Variants in DYNLT2 observed in about 807,000 individuals in gnomAD.
DYNLT2 encodes the protein dynein light chain Tctex-type 2.
DYNLT2 carries 24 observed loss-of-function variants against 24.3 expected under a neutral mutation model. That is an observed-to-expected ratio of 0.99 (90% CI 0.71 to 1.39). The LOEUF is 1.39. DYNLT2 is among the 40% of genes most tolerant of loss of function. The pLI, the probability that DYNLT2 is intolerant of heterozygous loss-of-function variation, is 0.00. For synonymous variants in DYNLT2, 85 were observed against 85.4 expected, an observed-to-expected ratio of 1.00 and a Z score of 0.03; for missense variants, 246 against 234.5, an observed-to-expected ratio of 1.05 and a Z score of -0.32.
At chr6:169,735,440 C>A (rs1789542190), downstream of DYNLT2, among the ~76,000 whole-genome samples, 1 of 152,292 alleles carries the variant, frequency 6.6e-6, no homozygotes, top group South Asian at 2.1e-4. Context: ...AAATTTCCCT[C>A]TTAACACTGC....
the DYNLT2 span, among the ~76,000 whole-genome samples, chr6:169,733,965 G>A: frequency 1.3e-5 from 2 of 152,108 alleles, no homozygotes; most frequent in Non-Finnish European, 2.9e-5. Flanking sequence ...ATTTCCTTGA[G>A]CAGTGGTTTG....
At chr6:169,730,964 T>TA in the DYNLT2 span, among the ~76,000 whole-genome samples, 1 of 152,268 alleles carries the variant, frequency 6.6e-6, no homozygotes, top group African/African-American at 2.4e-5. Context: ...GGTCAGGTGA[T>TA]ACTACCCTTT....
At position 169,751,388 on chromosome 6, in the gene DYNLT2, G is replaced by A. The variant is rs1162810959; in HGVS notation, c.71C>T (p.Pro24Leu). 1 of 1,614,134 alleles carries A rather than the reference G, an allele frequency of 6.2e-7. No individual in the cohort carries two copies. The highest frequency in any genetic ancestry group is 2.2e-5 in the East Asian group (1 of 44,878). ...CCTCCTTTCTTTCCTAGGCGTCACC[G>A]GAGCCTGCTGAGGGGTCTGGTTCGG... ...QTPNQTPQQA[P>L]VTPRKERRPS... is the part of the protein sequence containing the mutation. The change falls in exon 1 of 4, where the codon CCG becomes CTG. Residue 24 changes from proline to leucine, a missense_variant. Physicochemically the swap from Pro to Leu is moderately conservative, Grantham distance 98. Transcript: ENST00000366774.
chr6:169,745,446 G>A (rs1223940133), intron 1 of DYNLT2, among the ~76,000 whole-genome samples: 3 of 152,134 alleles, frequency 2.0e-5, no homozygotes, highest in Non-Finnish European at 4.4e-5. Flanking sequence ...GGTTGAAGTA[G>A]TTTCCTCCTA....
chr6:169,749,963 A>C (rs1443922737), intron 1 of DYNLT2: 1 of 152,364 alleles, frequency 6.6e-6, no homozygotes, highest in South Asian at 2.1e-4. Context: ...GCATTTGTAG[A>C]GTCCTTTCTC....
In DYNLT2 at chr6:169,745,097, G is replaced by GT. The variant is rs752444343; in HGVS notation, c.121-824dup. ...TGATGTTTGCTGTGAAGTTTTTTTT[G>GT]TTTGTTTTTTTTTTTGAGACAGTCT... On this transcript the variant is annotated intron_variant, in intron 1 of 3. Transcript: ENST00000366774. 2.2e-3 allele frequency among the ~76,000 whole-genome samples: 339 copies of GT among 150,676 alleles called. 1 individual carries two copies. The East Asian group carries it at 0.027, about 12-fold the overall frequency.
At chr6:169,749,172 T>TCG (rs1789883764) in intron 1 of DYNLT2, among the ~76,000 whole-genome samples, 1 of 152,180 alleles carries the variant, frequency 6.6e-6, no homozygotes, top group Non-Finnish European at 1.5e-5. Context: ...TGATCTCGGC[T>TCG]CACTGCAACT....
At chr6:169,735,109 G>T (rs1789535335), downstream of DYNLT2, among the ~76,000 whole-genome samples, 1 of 152,116 alleles carries the variant, frequency 6.6e-6, no homozygotes. Flanking sequence ...ATGGTAATTT[G>T]TATTTCTGTG....
At chr6:169,744,374 G>C in intron 1 of DYNLT2, 100 bp from the exon 2 acceptor site, 1 of 972,546 alleles carries the variant, frequency 1.0e-6, no homozygotes, top group Non-Finnish European at 1.5e-6. Flanking sequence ...AGTGGGACAG[G>C]GCTCACACAA....
At chr6:169,726,219 T>A in the DYNLT2 span, among the ~76,000 whole-genome samples, 3 of 152,294 alleles carry the variant, frequency 2.0e-5, no homozygotes, top group South Asian at 6.2e-4. Flanking sequence ...ATAGATTAGA[T>A]CCCTGCCTAT....
the DYNLT2 span, among the ~76,000 whole-genome samples, chr6:169,734,104 G>A: frequency 6.6e-6 from 1 of 152,152 alleles, no homozygotes; most frequent in African/African-American, 2.4e-5. Context: ...TGGTGTAAAG[G>A]AAAGCTTGTG....
At chr6:169,740,403 T>C (rs1789651846) in intron 3 of DYNLT2, 108 bp from the exon 4 acceptor site, 1 of 681,530 alleles carries the variant, frequency 1.5e-6, no homozygotes, top group Non-Finnish European at 2.6e-6. Flanking sequence ...TCTCAGAAAT[T>C]ATTTTTAAGA....
chr6:169,731,097 A>G, the DYNLT2 span, among the ~76,000 whole-genome samples: 2 of 152,086 alleles, frequency 1.3e-5, no homozygotes, highest in Non-Finnish European at 2.9e-5. Context: ...AAAAGGAGGA[A>G]AGGAGTTTTA....
chr6:169,734,800 C>T, the DYNLT2 span, among the ~76,000 whole-genome samples: 1 of 152,146 alleles, frequency 6.6e-6, no homozygotes, highest in Admixed American at 6.5e-5. Flanking sequence ...ATGCTGGCTT[C>T]ATAAAATGAG....
chr6:169,742,396 A>G (rs1213712555), intron 3 of DYNLT2, among the ~76,000 whole-genome samples: 1 of 152,138 alleles, frequency 6.6e-6, no homozygotes, highest in Non-Finnish European at 1.5e-5. Flanking sequence ...GTGCTGCTTT[A>G]TCTCCTTAAG....
intron 1 of DYNLT2, among the ~76,000 whole-genome samples, chr6:169,748,853 T>G (rs1789873260): frequency 6.6e-6 from 1 of 152,242 alleles, no homozygotes; most frequent in Non-Finnish European, 1.5e-5. Flanking sequence ...TTCTCCTTTG[T>G]GTATAATATT....
intron 1 of DYNLT2, among the ~76,000 whole-genome samples, chr6:169,748,228 C>T (rs1789855883): frequency 6.6e-6 from 1 of 152,100 alleles, no homozygotes; most frequent in Admixed American, 6.6e-5. Context: ...GTCTTTGGGG[C>T]GGTTTGTGCA....
At chr6:169,743,035 C>A in intron 3 of DYNLT2, 45 bp downstream of exon 3, 2 of 1,398,852 alleles carry the variant, frequency 1.4e-6, no homozygotes, top group East Asian at 2.5e-5. Flanking sequence ...GGAGGAGATG[C>A]CTTATAGTTC....
the DYNLT2 span, among the ~76,000 whole-genome samples, chr6:169,731,939 A>G: frequency 1.1e-4 from 16 of 152,328 alleles, no homozygotes; most frequent in Admixed American, 9.8e-4. Context: ...CTTAGGAAAA[A>G]GGTATAATTC....
Sources: gnomAD v4.1 joint callset for allele counts (sites outside exome capture counted in the v4.1 genomes callset) on GRCh38, gnomAD v4.1.1 for gene constraint, MANE v1.5 for transcripts, NCBI Gene and HGNC (gene_info 2026-07-23, HGNC 2026-07-21) for gene names.